The following FGD2 variants were observed in gnomAD, a reference collection of about 807,000 sequenced individuals.
FGD2 encodes the protein FYVE, RhoGEF and PH domain containing 2.
A neutral mutation model predicts 75.9 loss-of-function variants in FGD2; 52 were observed. The observed-to-expected ratio is 0.69, with a 90% confidence interval of 0.55 to 0.86. FGD2 has a LOEUF of 0.86. Among genes scored for constraint, FGD2 ranks in the 40% least tolerant of loss-of-function variants. The probability of loss-of-function intolerance (pLI) is 0.00; values close to 1 mark genes in which losing one functional copy is unlikely to be tolerated. For synonymous variants in FGD2, 347 were observed against 348.6 expected (o/e 1.00, Z 0.05); for missense variants, 790 against 872.0 (o/e 0.91, Z 1.18).
intron 8 of FGD2, 29 bp from the exon 9 acceptor site, chr6:37,015,739 C>T (rs369139675): frequency 3.3e-5 from 52 of 1,558,348 alleles, no homozygotes; most frequent in African/African-American, 4.1e-5. Context: ...GCCCCTGCCA[C>T]GGGCCACTCA....
rs1765956127 is a variant in FGD2 at position 37,028,760 on chromosome 6, C to T, written c.*597C>T. On this transcript the variant is annotated 3_prime_UTR_variant, in exon 16 of 16. Transcript: ENST00000274963. ...AGTAGCTGGGATTATAGGTGTGTGC[C>T]ACTGTGCCAAGCTAATTTTTTTATT... 6.6e-6 allele frequency: 1 copy of T among 151,624 alleles called. No individual in the cohort carries two copies. The highest frequency in any genetic ancestry group is 2.1e-4 in the South Asian group (1 of 4,802). 9.4% of individuals were successfully genotyped at this position (151,624 alleles called of 1,614,324 possible).
chr6:37,009,383 C>A (rs1764903372), intron 2 of FGD2: 1 of 260,178 alleles, frequency 3.8e-6, no homozygotes. Flanking sequence ...ACCTAATACT[C>A]TTCTCAGGTG....
In FGD2 at chr6:37,028,411, TC is replaced by T. The variant is rs1279438804; in HGVS notation, c.*250del. On this transcript the variant is annotated 3_prime_UTR_variant, in exon 16 of 16. Coordinates refer to ENST00000274963, the MANE Select transcript of FGD2 (RefSeq NM_173558.4). Reference sequence around the variant, plus strand: ...GAGGGGGCTCCTGGGCCATGGGACTTCCAGTGCTAAAACTGGGAAAGCCCCA... The same window carrying T: ...GAGGGGGCTCCTGGGCCATGGGACTTCAGTGCTAAAACTGGGAAAGCCCCA... The T allele has an allele frequency of 1.3e-5, 6 of 474,178 alleles. No homozygotes were observed. The highest frequency in any genetic ancestry group is 1.2e-4 in the African/African-American group (6 of 51,996). 29.4% of individuals were successfully genotyped at this position (474,178 alleles called of 1,614,324 possible). A position where few individuals can be genotyped will look rare whatever the true frequency, so the allele number is the denominator to read the frequency against.
At chr6:37,015,690 G>C in intron 8 of FGD2, 78 bp from the exon 9 acceptor site, 1 of 1,361,538 alleles carries the variant, frequency 7.3e-7, no homozygotes, top group Middle Eastern at 2.4e-4. Context: ...GCCCATGCTC[G>C]GCCCACCCTC....
At chr6:37,015,649 G>A in intron 8 of FGD2, 119 bp from the exon 9 acceptor site, 1 of 882,844 alleles carries the variant, frequency 1.1e-6, no homozygotes, top group Non-Finnish European at 1.8e-6. Context: ...GCCAGAGTGT[G>A]TTCAAAGGGG....
At chr6:37,027,364 C>A in intron 14 of FGD2, 65 bp from the exon 15 acceptor site, 16 of 1,546,298 alleles carry the variant, frequency 1.0e-5, no homozygotes, top group Non-Finnish European at 1.4e-5. Flanking sequence ...ATTGTCAAGC[C>A]CCCAGACCAA....
intron 8 of FGD2, 108 bp downstream of exon 8, chr6:37,015,146 G>A (rs1209392669): frequency 9.3e-6 from 13 of 1,397,612 alleles, no homozygotes; most frequent in Non-Finnish European, 1.2e-5. Context: ...GGGGGACAGG[G>A]AAGAGAACGC....
chr6:37,011,569 C>A, intron 3 of FGD2, 137 bp from the exon 4 acceptor site: 1 of 1,202,026 alleles, frequency 8.3e-7, no homozygotes, highest in Non-Finnish European at 1.2e-6. Flanking sequence ...CCTTCTTTTC[C>A]CGGGGTTGCT....
intron 11 of FGD2, among the ~76,000 whole-genome samples, chr6:37,021,034 A>G (rs146917279): frequency 2.7e-5 from 4 of 145,888 alleles, no homozygotes; most frequent in Admixed American, 6.7e-5. Flanking sequence ...GTGTATGTGT[A>G]TATGTGTGTT....
intron 1 of FGD2, among the ~76,000 whole-genome samples, chr6:37,008,482 A>G (rs1764847895): frequency 6.6e-6 from 1 of 152,142 alleles, no homozygotes. Flanking sequence ...GTGGAAACTG[A>G]AAACAGAGGT....
rs764539125 is a variant in FGD2 at position 37,013,696 on chromosome 6, A to G, written c.615A>G (p.Arg205=). The change falls in exon 5 of 16, where the codon CGA becomes CGG. Residue 205 remains arginine (R), a synonymous_variant. Transcript: ENST00000274963. ...GTGAGTATGTCAAGAACTTTGAGCG[A>G]GCGGCTGAGCTGCTGGCCACCTGGA... ...MYSEYVKNFE[R]AAELLATWTD... The G allele has an allele frequency of 6.2e-7, 1 of 1,614,048 alleles. No individual in the cohort carries two copies. The highest frequency in any genetic ancestry group is 8.5e-7 in the Non-Finnish European group (1 of 1,179,974).
chr6:37,008,409 G>T (rs1764845808), intron 1 of FGD2, among the ~76,000 whole-genome samples: 1 of 152,142 alleles, frequency 6.6e-6, no homozygotes, highest in Admixed American at 6.5e-5. Context: ...AGCTTTTGCA[G>T]GCCTGCTCTC....
At chr6:37,013,462 A>C in intron 4 of FGD2, 147 bp from the exon 5 acceptor site, 1 of 1,438,786 alleles carries the variant, frequency 7.0e-7, no homozygotes, top group East Asian at 2.5e-5. Context: ...GGCGCATGTG[A>C]GGATGACACC....
intron 9 of FGD2, among the ~76,000 whole-genome samples, chr6:37,016,131 C>T (rs911508366): frequency 2.0e-5 from 3 of 152,192 alleles, no homozygotes; most frequent in Non-Finnish European, 2.9e-5. Context: ...GTTTATACCA[C>T]TGCTTCAAAA....
At chr6:37,015,145 G>A in intron 8 of FGD2, 107 bp downstream of exon 8, 8 of 1,391,728 alleles carry the variant, frequency 5.7e-6, no homozygotes, top group South Asian at 2.9e-5. Context: ...AGGGGGACAG[G>A]GAAGAGAACG....
In FGD2 at chr6:37,028,364, G is replaced by A. The variant is rs1765931093; in HGVS notation, c.*201G>A. 1.8e-6 allele frequency: 1 copy of A among 555,232 alleles called. No homozygotes were observed. The allele number at this position is 555,232 out of a possible 1,614,324, so 34.4% of individuals were successfully genotyped here. A position where few individuals can be genotyped will look rare whatever the true frequency, so the allele number is the denominator to read the frequency against. On this transcript the variant is annotated 3_prime_UTR_variant, in exon 16 of 16. Transcript: ENST00000274963. ...TCCTTTCTAGAAAGGGGACAACCAAGTGTCTCAGTTTGCCTTGCGGGGAGG... is the reference window on the plus strand; with the variant it reads ...TCCTTTCTAGAAAGGGGACAACCAAATGTCTCAGTTTGCCTTGCGGGGAGG...
Position 37,025,778 on chromosome 6 carries a change from T to C in FGD2, c.1459-14T>C, listed in dbSNP as rs891113344. On this transcript the variant is annotated splice_polypyrimidine_tract_variant and intron_variant, in intron 13 of 15. Coordinates refer to ENST00000274963, the MANE Select transcript of FGD2 (RefSeq NM_173558.4). ...CTGGTCTCAGCCCCATGCCCCCTTA[T>C]GTGTCCTCCTCAGGTGGTGTGTGCC... 2 of 1,614,098 alleles carry C rather than the reference T, an allele frequency of 1.2e-6. No individual in the cohort carries two copies. The highest frequency in any genetic ancestry group is 1.7e-5 in the Admixed American group (1 of 60,020).
At chr6:37,023,600 A>C (rs1208808455) in intron 13 of FGD2, 1 of 152,296 alleles carries the variant, frequency 6.6e-6, no homozygotes, top group Non-Finnish European at 1.5e-5. Flanking sequence ...TCCAGAGGAC[A>C]GGAGGAGTCT....
At chr6:37,025,552 G>C (rs919842829) in intron 13 of FGD2, 5 of 556,312 alleles carry the variant, frequency 9.0e-6, no homozygotes, top group Non-Finnish European at 1.6e-5. Flanking sequence ...TGGGGGCCGG[G>C]TCTTGAACCC....
Sources: allele counts gnomAD v4.1 joint callset (sites outside exome capture counted in the v4.1 genomes callset), GRCh38; gene constraint gnomAD v4.1.1; transcripts MANE v1.5; gene names NCBI Gene and HGNC (gene_info 2026-07-23, HGNC 2026-07-21).